Variants in ZNF117 observed in about 807,000 individuals in gnomAD.
ZNF117 encodes the protein zinc finger protein 117.
ZNF117 carries 37 observed loss-of-function variants against 41.2 expected under a neutral mutation model. The ratio of observed to expected loss-of-function variants is 0.90; its 90% CI spans 0.69 to 1.18. ZNF117 has a LOEUF of 1.18. Among genes scored for constraint, ZNF117 ranks in the 50% most tolerant of loss-of-function variants. The pLI, the probability that ZNF117 is intolerant of heterozygous loss-of-function variation, is 0.00. For missense variants in ZNF117, 546 were observed against 557.5 expected, an observed-to-expected ratio of 0.98 and a Z score of 0.21; for synonymous variants, 186 against 186.6, an observed-to-expected ratio of 1.00 and a Z score of 0.02.
intron 2 of ZNF117, chr7:64,980,478 T>C (rs1315993022): frequency 6.6e-6 from 1 of 151,308 alleles, no homozygotes; most frequent in East Asian, 1.9e-4. Context: ...ATAACAAAAA[T>C]ATTAAAAATA....
At chr7:64,979,086 T>A in exon 3 of ZNF117, 1 of 1,613,200 alleles carries the variant, frequency 6.2e-7, no homozygotes. Context: ...GTAAGGTTTT[T>A]CTCCAGTATG....
At chr7:64,987,386 G>A (rs370871111) in intron 1 of ZNF117, among the ~76,000 whole-genome samples, 15 of 152,198 alleles carry the variant, frequency 9.9e-5, no homozygotes, top group Non-Finnish European at 1.3e-4. Flanking sequence ...TAAATAAAAT[G>A]AGAGATGCAA....
exon 3 of ZNF117, chr7:64,978,193 G>A: frequency 3.7e-6 from 6 of 1,612,708 alleles, no homozygotes; most frequent in Non-Finnish European, 5.1e-6. Context: ...TGTGTAGTAA[G>A]TGTTGAAGAT....
exon 3 of ZNF117, chr7:64,974,808 G>A (rs1345538313): frequency 1.3e-5 from 2 of 151,736 alleles, no homozygotes; most frequent in Non-Finnish European, 3.0e-5. Flanking sequence ...CAATTTACTT[G>A]TACATTTTAA....
exon 3 of ZNF117, chr7:64,976,939 T>C (rs773408755): frequency 3.8e-6 from 2 of 529,100 alleles, no homozygotes; most frequent in South Asian, 2.8e-5. Flanking sequence ...GGAGTAAGGG[T>C]TGATGATAGG....
chr7:64,977,098 C>A (rs1584045195), exon 3 of ZNF117: 1 of 516,748 alleles, frequency 1.9e-6, no homozygotes, highest in Non-Finnish European at 4.0e-6. Flanking sequence ...TTATGTATAG[C>A]AAGGTGTGAG....
At chr7:64,990,669 A>G (rs1786243673) in exon 1 of ZNF117, 1 of 152,286 alleles carries the variant, frequency 6.6e-6, no homozygotes, top group Non-Finnish European at 1.5e-5. Flanking sequence ...ACTTGCAGAA[A>G]TAGTTACAAA....
At chr7:64,979,107 T>C (rs952612554) in exon 3 of ZNF117, 1 of 1,612,912 alleles carries the variant, frequency 6.2e-7, no homozygotes, top group Non-Finnish European at 8.5e-7. Flanking sequence ...AATTCTCTTA[T>C]GTTTATTAAG....
intron 1 of ZNF117, among the ~76,000 whole-genome samples, chr7:64,989,444 TA>T (rs1014901621): frequency 0.017 from 40 of 2,368 alleles, no homozygotes; most frequent in South Asian, 0.16. Context: ...AACTTAAAAT[TA>T]TATATATATA....
chr7:64,984,293 A>C (rs1274475278), upstream of ZNF117, among the ~76,000 whole-genome samples: 1 of 152,102 alleles, frequency 6.6e-6, no homozygotes, highest in African/African-American at 2.4e-5. Context: ...CATCACGCCC[A>C]ACTAATTTTT....
At chr7:64,984,632 G>A (rs1044403355), upstream of ZNF117, among the ~76,000 whole-genome samples, 2 of 152,024 alleles carry the variant, frequency 1.3e-5, no homozygotes, top group African/African-American at 4.8e-5. Context: ...TAATATTACT[G>A]TAATAGTTTG....
chr7:64,989,752 T>G (rs1388577363), intron 1 of ZNF117, among the ~76,000 whole-genome samples, 195 bp downstream of exon 1: 1 of 122,264 alleles, frequency 8.2e-6, no homozygotes, highest in Non-Finnish European at 1.7e-5. Context: ...CATAAGAAAC[T>G]TAAACAAATT....
chr7:64,978,734 A>C (rs559863858), exon 3 of ZNF117: 1 of 1,613,120 alleles, frequency 6.2e-7, no homozygotes, highest in South Asian at 1.1e-5. Flanking sequence ...CACATTCTTC[A>C]CATTTGTACA....
exon 3 of ZNF117, chr7:64,978,688 G>A: frequency 6.2e-7 from 1 of 1,612,874 alleles, no homozygotes; most frequent in Non-Finnish European, 8.5e-7. Context: ...ATTCTCTTAT[G>A]TGTAGTAAGG....
intron 1 of ZNF117, among the ~76,000 whole-genome samples, chr7:64,989,475 AT>A (rs1562649376): frequency 0.035 from 4,001 of 115,106 alleles, 215 homozygotes; most frequent in Non-Finnish European, 0.053. Flanking sequence ...ATATATATAT[AT>A]ATATATATAT....
At chr7:64,981,791 C>G (rs573960309) in intron 1 of ZNF117, among the ~76,000 whole-genome samples, 193 bp downstream of exon 2, 7 of 152,182 alleles carry the variant, frequency 4.6e-5, no homozygotes, top group African/African-American at 1.7e-4. Flanking sequence ...AAGATCATCT[C>G]AGGAATGTGG....
chr7:64,979,410 T>C (rs755709892), exon 3 of ZNF117: 19 of 1,610,736 alleles, frequency 1.2e-5, no homozygotes, highest in Non-Finnish European at 1.6e-5. Flanking sequence ...AACCACACTT[T>C]TACAGCCTTT....
exon 3 of ZNF117, chr7:64,976,983 T>G (rs765106155): frequency 1.9e-6 from 1 of 535,120 alleles, no homozygotes; most frequent in Admixed American, 1.9e-5. Context: ...TTTGTAGGGT[T>G]TCTCTCCAGT....
exon 3 of ZNF117, chr7:64,977,434 T>C: frequency 2.2e-6 from 1 of 449,238 alleles, no homozygotes; most frequent in Non-Finnish European, 4.4e-6. Flanking sequence ...TTATGTGTAG[T>C]AAGTTTTGAG....
Sources: allele counts gnomAD v4.1 joint callset (sites outside exome capture counted in the v4.1 genomes callset), GRCh38; gene constraint gnomAD v4.1.1; transcripts MANE v1.5; gene names NCBI Gene and HGNC (gene_info 2026-07-23, HGNC 2026-07-21).